Variants in PARD3 observed in about 807,000 individuals in gnomAD.
PARD3 encodes the protein partitioning defective 3 homolog.
PARD3 carries 75 observed loss-of-function variants against 155.4 expected under a neutral mutation model. The observed-to-expected ratio is 0.48, with a 90% CI of 0.40 to 0.58. The LOEUF (loss-of-function observed/expected upper bound fraction) is 0.58, where lower values mean the gene tolerates loss of function less well. PARD3 is among the 20% of genes least tolerant of loss of function. The pLI is 0.00. For missense variants in PARD3, 1,642 were observed against 1,721.7 expected (o/e 0.95, Z 0.82); for synonymous variants, 576 against 610.5 (o/e 0.94, Z 0.83).
chr10:34,486,043 C>A (rs1211125657), intron 3 of PARD3, among the ~76,000 whole-genome samples: 1 of 151,182 alleles, frequency 6.6e-6, no homozygotes, highest in African/African-American at 2.4e-5. Flanking sequence ...CCTGCCTCAG[C>A]TTACCAAGCA....
rs190384983 is a variant in PARD3, at chr10:34,229,513, C to T, written c.3419+40144G>A. Among the ~76,000 whole-genome samples the T allele has an allele frequency of 6.3e-4, 96 of 152,166 alleles. No homozygotes were observed. The East Asian group carries it at 0.01, about 16-fold the overall frequency. On this transcript the variant is annotated intron_variant, in intron 22 of 24. Coordinates refer to ENST00000374788, the MANE Select transcript of PARD3 (RefSeq NM_001184785.2). Reference sequence around the variant, plus strand: ...ATTCTCCTACCCTGACCTCCCAAAGCGCTAGGATTACAGGTGTGAGCCACA... The same window carrying T: ...ATTCTCCTACCCTGACCTCCCAAAGTGCTAGGATTACAGGTGTGAGCCACA...
At chr10:34,798,039 A>C (rs1842468732) in intron 1 of PARD3, among the ~76,000 whole-genome samples, 1 of 152,042 alleles carries the variant, frequency 6.6e-6, no homozygotes, top group African/African-American at 2.4e-5. Flanking sequence ...AAATATACAG[A>C]CTGGATATGG....
At chr10:34,332,477 C>T (rs1835719295) in intron 18 of PARD3, among the ~76,000 whole-genome samples, 1 of 151,994 alleles carries the variant, frequency 6.6e-6, no homozygotes, top group Non-Finnish European at 1.5e-5. Context: ...GTCATCAGCC[C>T]ATATGTTGAT....
chr10:34,764,870 G>A (rs2134043986), intron 1 of PARD3, among the ~76,000 whole-genome samples: 1 of 152,294 alleles, frequency 6.6e-6, no homozygotes, highest in East Asian at 1.9e-4. Flanking sequence ...AGCACACAGT[G>A]CTCAAAGTAC....
intron 7 of PARD3, among the ~76,000 whole-genome samples, chr10:34,387,347 G>A (rs900473701): frequency 6.6e-5 from 10 of 152,126 alleles, no homozygotes; most frequent in African/African-American, 2.4e-4. Flanking sequence ...TTAAATTTAT[G>A]AAACTATCTT....
chr10:34,642,936 G>A (rs867330485), intron 2 of PARD3, among the ~76,000 whole-genome samples: 1 of 152,256 alleles, frequency 6.6e-6, no homozygotes, highest in South Asian at 2.1e-4. Context: ...ATAACTGACT[G>A]GGAAACCTTC....
chr10:34,440,533 T>C (rs1158754777), intron 5 of PARD3, among the ~76,000 whole-genome samples: 2 of 152,194 alleles, frequency 1.3e-5, no homozygotes, highest in African/African-American at 4.8e-5. Context: ...AAGCTCTAAA[T>C]GTCTAGTTCT....
At chr10:34,606,667 G>A (rs1289766118) in intron 2 of PARD3, among the ~76,000 whole-genome samples, 1 of 138,720 alleles carries the variant, frequency 7.2e-6, no homozygotes, top group East Asian at 2.2e-4. Context: ...AAAAAAGTCT[G>A]TCTATCAATA....
At chr10:34,569,020 C>A (rs914258922) in intron 2 of PARD3, among the ~76,000 whole-genome samples, 2 of 152,138 alleles carry the variant, frequency 1.3e-5, no homozygotes, top group African/African-American at 4.8e-5. Context: ...CCTGTTCATG[C>A]TAAGTAAAAG....
At chr10:34,557,417 G>A (rs993620480) in intron 2 of PARD3, among the ~76,000 whole-genome samples, 13 of 152,006 alleles carry the variant, frequency 8.6e-5, no homozygotes, top group Non-Finnish European at 1.6e-4. Flanking sequence ...CAGTAGGATC[G>A]CTTGAGCCCA....
At chr10:34,591,393 T>C (rs2088662311) in intron 2 of PARD3, among the ~76,000 whole-genome samples, 1 of 152,130 alleles carries the variant, frequency 6.6e-6, no homozygotes. Context: ...CCAAGGTGTC[T>C]TTACCCATTC....
intron 19 of PARD3, among the ~76,000 whole-genome samples, chr10:34,318,324 A>C (rs1335467589): frequency 6.6e-6 from 1 of 152,216 alleles, no homozygotes; most frequent in Non-Finnish European, 1.5e-5. Context: ...TCTCCTCCAA[A>C]TACAATGAGA....
rs1319675227 is a variant in PARD3 at position 34,640,640 on chromosome 10, T to C, written c.222+55678A>G. Reference sequence around the variant, plus strand: ...CACGAGTTTGCTTGAAACCGGGAGGTGGAGGCTGTGGTGAGCCAAGAAAGC... The same window carrying C: ...CACGAGTTTGCTTGAAACCGGGAGGCGGAGGCTGTGGTGAGCCAAGAAAGC... On this transcript the variant is annotated intron_variant, in intron 2 of 24. Coordinates refer to ENST00000374788, the MANE Select transcript of PARD3 (RefSeq NM_001184785.2). Among the ~76,000 whole-genome samples, 3 of 126,524 alleles carry C rather than the reference T, an allele frequency of 2.4e-5. No homozygotes were observed. In the Admixed American group the frequency reaches 3.1e-4, roughly 13 times the overall value. 83.0% of individuals were successfully genotyped at this position (126,524 alleles called of 152,430 possible). A position where few individuals can be genotyped will look rare whatever the true frequency, so the allele number is the denominator to read the frequency against.
intron 22 of PARD3, among the ~76,000 whole-genome samples, chr10:34,170,945 T>TA (rs1949757974): frequency 6.6e-6 from 1 of 152,234 alleles, no homozygotes; most frequent in African/African-American, 2.4e-5. Flanking sequence ...CTCTTTCATT[T>TA]ACCAATGGCT....
intron 1 of PARD3, among the ~76,000 whole-genome samples, chr10:34,777,878 GTC>G (rs779200477): frequency 6.6e-6 from 1 of 152,058 alleles, no homozygotes; most frequent in Non-Finnish European, 1.5e-5. Flanking sequence ...ATGATGGTGA[GTC>G]TAGGAAAGAG....
chr10:34,687,981 A>C (rs1337049705), intron 2 of PARD3, among the ~76,000 whole-genome samples: 1 of 147,174 alleles, frequency 6.8e-6, no homozygotes, highest in Non-Finnish European at 1.5e-5. Context: ...TCAGCCTTTG[A>C]GTAGCTCAGA....
chr10:34,769,554 G>C (rs553417229), intron 1 of PARD3, among the ~76,000 whole-genome samples: 1 of 151,610 alleles, frequency 6.6e-6, no homozygotes, highest in South Asian at 2.1e-4. Flanking sequence ...CCAGGAGTCC[G>C]ACACCAGCTT....
intron 15 of PARD3, chr10:34,344,994 T>C: frequency 1.0e-6 from 1 of 984,902 alleles, no homozygotes; most frequent in Non-Finnish European, 1.2e-6. Context: ...ACGTCTTTGA[T>C]TTTTTTAGTC....
At chr10:34,430,906 G>A (rs1227210260) in intron 5 of PARD3, among the ~76,000 whole-genome samples, 11 of 152,158 alleles carry the variant, frequency 7.2e-5, no homozygotes, top group African/African-American at 2.7e-4. Flanking sequence ...AGGGAGCACC[G>A]CAACATCTTT....
Sources: gnomAD v4.1 joint callset for allele counts (sites outside exome capture counted in the v4.1 genomes callset) on GRCh38, gnomAD v4.1.1 for gene constraint, MANE v1.5 for transcripts, NCBI Gene and HGNC (gene_info 2026-07-23, HGNC 2026-07-21) for gene names.